The following COL28A1 variants were observed in gnomAD, a reference collection of about 807,000 sequenced individuals.
COL28A1 encodes the protein collagen type XXVIII alpha 1 chain.
In COL28A1, 161 loss-of-function variants were observed where a neutral mutation model predicts 150.2. The observed-to-expected ratio is 1.07, with a 90% confidence interval of 0.94 to 1.22. COL28A1 has a LOEUF of 1.22. Ranked by LOEUF, COL28A1 falls within the 50% of genes most tolerant of loss-of-function variation. The pLI, the probability that COL28A1 is intolerant of heterozygous loss-of-function variation, is 0.00. For synonymous variants in COL28A1, 552 were observed against 469.7 expected (o/e 1.18, Z -2.26); for missense variants, 1,617 against 1,388.3 (o/e 1.16, Z -2.62).
chr7:7,409,687 C>T lies in COL28A1; in HGVS notation c.2136+8172G>A, dbSNP rs549171653. Reference sequence around the variant, plus strand: ...CAAGTCAGCAGCCATTTTTATTTTTCTTTTGGAATTTGGAAACTATAGTAA... The same window carrying T: ...CAAGTCAGCAGCCATTTTTATTTTTTTTTTGGAATTTGGAAACTATAGTAA... On this transcript the variant is annotated intron_variant, in intron 27 of 34. Coordinates refer to ENST00000399429, the MANE Select transcript of COL28A1 (RefSeq NM_001037763.3). 4.2e-4 allele frequency among the ~76,000 whole-genome samples: 64 copies of T among 152,192 alleles called. 1 individual carries two copies. In the South Asian group the frequency reaches 1.0e-2, roughly 24 times the overall value.
intron 13 of COL28A1, among the ~76,000 whole-genome samples, chr7:7,483,286 A>C (rs879742487): frequency 6.6e-6 from 1 of 152,206 alleles, no homozygotes; most frequent in Non-Finnish European, 1.5e-5. Flanking sequence ...TTTTCAACTT[A>C]CAGTATTTTT....
chr7:7,503,022 A>G (rs1442728414), intron 11 of COL28A1, among the ~76,000 whole-genome samples: 2 of 152,124 alleles, frequency 1.3e-5, no homozygotes, highest in Non-Finnish European at 2.9e-5. Context: ...GAAGATTAAA[A>G]CCCAGGAGAA....
At chr7:7,533,187 G>T (rs567849322) in intron 1 of COL28A1, among the ~76,000 whole-genome samples, 4 of 152,236 alleles carry the variant, frequency 2.6e-5, no homozygotes, top group South Asian at 4.1e-4. Flanking sequence ...GGAGCATAGA[G>T]TTGGGAGAGC....
In COL28A1 at chr7:7,489,374, AT is replaced by A. The variant is rs1165491530; in HGVS notation, c.1164+14del. The A allele has an allele frequency of 6.2e-6, 7 of 1,124,664 alleles. No homozygotes were observed. The highest frequency in any genetic ancestry group is 2.5e-5 in the South Asian group (2 of 81,538). 69.7% of individuals were successfully genotyped at this position (1,124,664 alleles called of 1,614,324 possible). A position where few individuals can be genotyped will look rare whatever the true frequency, so the allele number is the denominator to read the frequency against. On this transcript the variant is annotated intron_variant, in intron 13 of 34. Transcript: ENST00000399429. Reference sequence around the variant, plus strand: ...ATTTGTCCTTTTCATTCCATCTAGAATTTTTGCTACTTACTGGCTGTCCAGG... The same window carrying A: ...ATTTGTCCTTTTCATTCCATCTAGAATTTTGCTACTTACTGGCTGTCCAGG...
chr7:7,498,609 A>G (rs1043294031), intron 11 of COL28A1, among the ~76,000 whole-genome samples: 8 of 152,228 alleles, frequency 5.3e-5, no homozygotes, highest in African/African-American at 1.9e-4. Flanking sequence ...GATGGTTCAA[A>G]TAATAAATAT....
intron 11 of COL28A1, among the ~76,000 whole-genome samples, chr7:7,496,335 G>T (rs1039794365): frequency 3.3e-5 from 5 of 152,160 alleles, no homozygotes; most frequent in African/African-American, 1.2e-4. Context: ...CATTTACTGA[G>T]CATTGACTAG....
intron 27 of COL28A1, among the ~76,000 whole-genome samples, chr7:7,397,076 A>G (rs183104335): frequency 1.3e-5 from 2 of 152,330 alleles, no homozygotes; most frequent in African/African-American, 4.8e-5. Context: ...ATGAATTGCC[A>G]TGAATTTAGT....
intron 27 of COL28A1, among the ~76,000 whole-genome samples, chr7:7,393,338 G>C (rs1228680632): frequency 6.6e-6 from 1 of 152,162 alleles, no homozygotes; most frequent in Admixed American, 6.5e-5. Context: ...TGGAAGCTTC[G>C]TCCCAGACGG....
chr7:7,379,071 A>C (rs1178236058), intron 30 of COL28A1, among the ~76,000 whole-genome samples: 1 of 152,224 alleles, frequency 6.6e-6, no homozygotes. Context: ...AATTGCATGC[A>C]TCCAGAGTGT....
chr7:7,477,541 G>C (rs1019263386), intron 13 of COL28A1, among the ~76,000 whole-genome samples: 1 of 152,154 alleles, frequency 6.6e-6, no homozygotes, highest in Admixed American at 6.5e-5. Context: ...GGACCCTCGC[G>C]GTGAGTGTCA....
At chr7:7,419,677 A>G (rs779489181) in intron 26 of COL28A1, among the ~76,000 whole-genome samples, 36 of 152,314 alleles carry the variant, frequency 2.4e-4, no homozygotes, top group Non-Finnish European at 4.3e-4. Context: ...TGACTTGCTC[A>G]TTTCTTTTGG....
intron 6 of COL28A1, 146 bp downstream of exon 6, chr7:7,519,916 T>C (rs866779247): frequency 2.1e-5 from 11 of 524,842 alleles, no homozygotes; most frequent in Middle Eastern, 7.1e-4. Context: ...ATAGATAATA[T>C]AGGAAGTGGA....
At position 7,395,553 on chromosome 7, in the gene COL28A1, G is replaced by A. The variant is rs566644522; in HGVS notation, c.2137-13941C>T. 3.9e-5 allele frequency among the ~76,000 whole-genome samples: 6 copies of A among 152,310 alleles called. No homozygotes were observed. The East Asian group carries it at 1.2e-3, about 29-fold the overall frequency. On this transcript the variant is annotated intron_variant, in intron 27 of 34. Transcript: ENST00000399429. ...TCCATTAAGATTTGCAGTCCTGTGT[G>A]ATAAATCAGAGAGACCTGGTTACAC...
intron 11 of COL28A1, among the ~76,000 whole-genome samples, chr7:7,493,340 G>A (rs1425448813): frequency 6.6e-6 from 1 of 152,066 alleles, no homozygotes; most frequent in African/African-American, 2.4e-5. Flanking sequence ...CCAGGTTGGT[G>A]ACAAGAAATT....
Position 7,436,394 on chromosome 7 carries a change from C to A in COL28A1, c.1860+1G>T. 1 of 1,301,064 alleles carries A rather than the reference C, an allele frequency of 7.7e-7. No homozygotes were observed. Among genetic ancestry groups the A allele is most frequent in the Non-Finnish European group, 1.1e-6 (1 of 893,938 alleles). 80.6% of individuals were successfully genotyped at this position (1,301,064 alleles called of 1,614,324 possible). ...ACAAAAAGAACATGAATAAAGCATA[C>A]CTTTGGTCCTCGAATAGAAAGTCCA... On this transcript the variant is annotated splice_donor_variant, in intron 23 of 34. Coordinates refer to ENST00000399429, the MANE Select transcript of COL28A1 (RefSeq NM_001037763.3). LOFTEE classifies it high-confidence loss of function.
chr7:7,461,647 G>A (rs1787633401), intron 15 of COL28A1, among the ~76,000 whole-genome samples: 1 of 152,076 alleles, frequency 6.6e-6, no homozygotes. Flanking sequence ...GTATGGCACA[G>A]CAGAGGCAGC....
intron 27 of COL28A1, among the ~76,000 whole-genome samples, chr7:7,396,686 C>T (rs1179118809): frequency 1.3e-5 from 2 of 152,138 alleles, no homozygotes; most frequent in Non-Finnish European, 2.9e-5. Context: ...GAAGTGTAGG[C>T]CTGGCTCATT....
chr7:7,368,478 C>T (rs879938846), intron 33 of COL28A1, among the ~76,000 whole-genome samples: 4 of 151,968 alleles, frequency 2.6e-5, no homozygotes, highest in Non-Finnish European at 4.4e-5. Flanking sequence ...TCAATGTCAC[C>T]TCCTCTGTGA....
chr7:7,446,933 T>C (rs10246954), intron 18 of COL28A1, among the ~76,000 whole-genome samples: 31,984 of 151,880 alleles, frequency 0.21, 4,570 homozygotes, highest in African/African-American at 0.41. Context: ...CAGCTGAATA[T>C]TGCTCAGTAC....
Sources: gnomAD v4.1 joint callset for allele counts (sites outside exome capture counted in the v4.1 genomes callset) on GRCh38, gnomAD v4.1.1 for gene constraint, MANE v1.5 for transcripts, NCBI Gene and HGNC (gene_info 2026-07-23, HGNC 2026-07-21) for gene names.